RFC1: variants seen among roughly 807,000 people sequenced by gnomAD.
RFC1 encodes the protein A1 140 kDa subunit.
In RFC1, 37 loss-of-function variants were observed where a neutral mutation model predicts 137.4. The observed-to-expected ratio is 0.27, with a 90% CI of 0.21 to 0.35. The LOEUF is 0.35. RFC1 is among the 10% of genes least tolerant of loss of function. The probability of loss-of-function intolerance (pLI) is 1.00; values close to 1 mark genes in which losing one functional copy is unlikely to be tolerated. For missense variants in RFC1, 1,205 were observed against 1,358.5 expected (o/e 0.89, Z 1.78); for synonymous variants, 429 against 455.7 (o/e 0.94, Z 0.75).
rs1738954403 is a variant in RFC1, at chr4:39,311,412, C to T, written c.1488+33G>A. 1.9e-6 allele frequency: 3 copies of T among 1,554,964 alleles called. No individual in the cohort carries two copies. In the Admixed American group the frequency reaches 5.0e-5, roughly 26 times the overall value. On this transcript the variant is annotated intron_variant, in intron 12 of 24. Coordinates refer to ENST00000349703, the MANE Select transcript of RFC1 (RefSeq NM_002913.5). ...TCTATGAAATTAAAAAGTTAATATA[C>T]ACCAACTTAAATCACATTCATTTTA...
chr4:39,344,955 C>G (rs187448663), intron 3 of RFC1, among the ~76,000 whole-genome samples: 128 of 152,280 alleles, frequency 8.4e-4, no homozygotes, highest in Non-Finnish European at 1.5e-3. Context: ...CAGCCCTCTT[C>G]TCACAGGACT....
At chr4:39,295,510 A>C (rs868042136) in intron 22 of RFC1, 104 bp downstream of exon 22, 6 of 972,434 alleles carry the variant, frequency 6.2e-6, no homozygotes, top group Middle Eastern at 4.5e-4. Flanking sequence ...TTACCAATAA[A>C]ATAAAAACTA....
intron 10 of RFC1, 37 bp downstream of exon 10, chr4:39,316,878 G>C: frequency 8.0e-7 from 1 of 1,250,118 alleles, no homozygotes; most frequent in Non-Finnish European, 1.2e-6. Context: ...TACGGCAGAG[G>C]CCCTCACAGA....
At chr4:39,364,780 C>G (rs1411108478) in intron 1 of RFC1, among the ~76,000 whole-genome samples, 1 of 152,188 alleles carries the variant, frequency 6.6e-6, no homozygotes, top group Non-Finnish European at 1.5e-5. Context: ...TTATTTTCCC[C>G]TCTTTTACAG....
intron 9 of RFC1, 62 bp downstream of exon 9, chr4:39,320,321 C>G: frequency 2.1e-6 from 3 of 1,398,164 alleles, no homozygotes; most frequent in Non-Finnish European, 2.8e-6. Flanking sequence ...TGCACTCCAA[C>G]CTCAGCAACA....
rs1741197934 is a variant in RFC1, at chr4:39,351,466, T to G, written c.14A>C (p.Lys5Thr). ...TCCACTTGGTATTACTCCAAAGAAT[T>G]TCCGAATGTCCTAAAAGCAAAAAAC... MDIR[K>T]FFGVIPSGKK... Residue 5 changes from lysine to threonine, a missense_variant, in exon 2 of 25, where the codon AAA (lysine) becomes ACA (threonine). By Grantham distance (78) the Lys-to-Thr change is moderately conservative. This residue lies in a region of RFC1 where 962 missense variants were observed against 1,035.3 expected (regional missense o/e 0.93). Transcript: ENST00000349703. The G allele has an allele frequency of 6.4e-7, 1 of 1,553,952 alleles. No homozygotes were observed. Among genetic ancestry groups the G allele is most frequent in the Admixed American group, 2.2e-5 (1 of 45,664 alleles).
intron 5 of RFC1, 73 bp from the exon 6 acceptor site, chr4:39,326,713 T>C (rs1053396345): frequency 4.3e-6 from 5 of 1,166,732 alleles, no homozygotes; most frequent in East Asian, 4.9e-5. Flanking sequence ...TTCTTGACTG[T>C]TGCTGATTAA....
intron 24 of RFC1, among the ~76,000 whole-genome samples, chr4:39,289,121 A>G (rs1737526820): frequency 6.6e-6 from 1 of 152,212 alleles, no homozygotes; most frequent in Non-Finnish European, 1.5e-5. Context: ...TTTAGAACAG[A>G]GGTATACTTA....
intron 7 of RFC1, among the ~76,000 whole-genome samples, chr4:39,322,040 A>C (rs1255802401): frequency 6.6e-6 from 1 of 152,184 alleles, no homozygotes; most frequent in Non-Finnish European, 1.5e-5. Context: ...ACATATTGAC[A>C]TTGACAATTA....
At chr4:39,306,531 T>C in intron 14 of RFC1, 61 bp downstream of exon 14, 2 of 864,462 alleles carry the variant, frequency 2.3e-6, no homozygotes, top group East Asian at 2.4e-5. Flanking sequence ...TACACACTTT[T>C]ATCTCCTAGC....
At position 39,327,569 on chromosome 4, in the gene RFC1, A is replaced by T; in HGVS notation, c.519T>A (p.Ser173Arg). 1 of 1,613,364 alleles carries T rather than the reference A, an allele frequency of 6.2e-7. No homozygotes were observed. The highest frequency in any genetic ancestry group is 8.5e-7 in the Non-Finnish European group (1 of 1,179,774). ...TSVLDYFGTG[S>R]VQRSNKKMVA... ...CCATCTTCTTATTAGATCTTTGGACACTTCCAGTTCCAAAATAATCAAGTA... is the reference window on the plus strand; with the variant it reads ...CCATCTTCTTATTAGATCTTTGGACTCTTCCAGTTCCAAAATAATCAAGTA... Residue 173 changes from serine (S) to arginine (R), a missense_variant, in exon 5 of 25, where the codon AGT becomes AGA. Ser to Arg is a moderately radical substitution (Grantham distance 110, BLOSUM62 -1). This residue lies in a region of RFC1 where 962 missense variants were observed against 1,035.3 expected (regional missense o/e 0.93). Coordinates refer to ENST00000349703, the MANE Select transcript of RFC1 (RefSeq NM_002913.5).
intron 4 of RFC1, among the ~76,000 whole-genome samples, chr4:39,331,011 T>A (rs1740076341): frequency 6.6e-6 from 1 of 152,114 alleles, no homozygotes; most frequent in African/African-American, 2.4e-5. Flanking sequence ...CTAGGTAACA[T>A]CACCATTCCA....
At chr4:39,356,751 A>C (rs903317597) in intron 1 of RFC1, among the ~76,000 whole-genome samples, 2 of 152,248 alleles carry the variant, frequency 1.3e-5, no homozygotes, top group Non-Finnish European at 2.9e-5. Flanking sequence ...CCTCTTCTTT[A>C]AAATTTATTT....
In RFC1 at chr4:39,342,304, A is replaced by G. The variant is rs377126209; in HGVS notation, c.331+41T>C. ...AGACACCAACAAAAAACTCAAGAAC[A>G]TAACACACACGGCATCTCATATACC... is the stretch of plus-strand genomic sequence containing the variant. On this transcript the variant is annotated intron_variant, in intron 4 of 24. Transcript: ENST00000349703. 6 of 1,576,464 alleles carry G rather than the reference A, an allele frequency of 3.8e-6. No individual in the cohort carries two copies. In the African/African-American group the frequency reaches 6.8e-5, roughly 18 times the overall value.
chr4:39,329,155 C>CAAAAAAAAAAAAAAA (rs1739952751), intron 4 of RFC1, among the ~76,000 whole-genome samples: 6 of 38,534 alleles, frequency 1.6e-4, no homozygotes, highest in Non-Finnish European at 2.0e-4. Flanking sequence ...AAAAAAAAAG[C>CAAAAAAAAAAAAAAA]TTTTCGATTT....
At chr4:39,361,286 G>A (rs1311019780) in intron 1 of RFC1, among the ~76,000 whole-genome samples, 1 of 152,212 alleles carries the variant, frequency 6.6e-6, no homozygotes, top group Non-Finnish European at 1.5e-5. Context: ...CTACTTGGGA[G>A]GCTGAGGCAG....
chr4:39,360,303 A>C (rs1302118368), intron 1 of RFC1, among the ~76,000 whole-genome samples: 1 of 151,812 alleles, frequency 6.6e-6, no homozygotes, highest in Non-Finnish European at 1.5e-5. Flanking sequence ...GAGTTTGAGA[A>C]CAGCCTGGCC....
At chr4:39,304,210 C>T (rs1183646537) in intron 15 of RFC1, among the ~76,000 whole-genome samples, 1 of 152,194 alleles carries the variant, frequency 6.6e-6, no homozygotes, top group Non-Finnish European at 1.5e-5. Context: ...TTAACTTGAG[C>T]ATCTTATTTT....
rs1456803206 is a variant in RFC1, at chr4:39,321,331, T to C, written c.764A>G (p.Gln255Arg). 6.2e-7 allele frequency: 1 copy of C among 1,613,896 alleles called. No individual in the cohort carries two copies. Among genetic ancestry groups the C allele is most frequent in the South Asian group, 1.1e-5 (1 of 91,048 alleles). The change falls in exon 8 of 25, where the codon CAA (glutamine) becomes CGA (arginine). Residue 255 changes from glutamine to arginine, a missense_variant. Gln to Arg is a conservative substitution (Grantham distance 43). This residue lies in a region of RFC1 where 962 missense variants were observed against 1,035.3 expected (regional missense o/e 0.93). Transcript: ENST00000349703. ...TTTTTCTGCTTTACTTAAATTGGCT[T>C]GGACAGATGAAAACGTTTCTCCCGC... The part of the protein sequence containing the change: ...TEAGETFSSV[Q>R]ANLSKAEKHK...
Sources: allele counts gnomAD v4.1 joint callset (sites outside exome capture counted in the v4.1 genomes callset), GRCh38; gene constraint gnomAD v4.1.1; regional missense constraint gnomAD v4.1.1; transcripts MANE v1.5; gene names NCBI Gene and HGNC (gene_info 2026-07-23, HGNC 2026-07-21).